Variants in NPHS2 observed in about 807,000 individuals in gnomAD.
The protein encoded by NPHS2 is NPHS2 stomatin family member, podocin.
Under a neutral mutation model 37.1 loss-of-function variants are expected in NPHS2, and 36 were observed. The observed-to-expected ratio is 0.97, with a 90% CI of 0.74 to 1.28. NPHS2 has a LOEUF of 1.28. NPHS2 is among the 50% of genes most tolerant of loss of function. The pLI is 0.00. For missense variants in NPHS2, 447 were observed against 488.1 expected, an observed-to-expected ratio of 0.92 and a Z score of 0.79; for synonymous variants, 196 against 189.3, an observed-to-expected ratio of 1.04 and a Z score of -0.29.
At position 179,564,625 on chromosome 1, in the gene NPHS2, A is replaced by G. The variant is rs1479495443; in HGVS notation, c.378+65T>C. 3 of 1,303,650 alleles carry G rather than the reference A, an allele frequency of 2.3e-6. No homozygotes were observed. In the East Asian group the frequency reaches 6.9e-5, roughly 30 times the overall value. The allele number at this position is 1,303,650 out of a possible 1,614,324, so 80.8% of individuals were successfully genotyped here. On this transcript the variant is annotated intron_variant, in intron 2 of 7. Transcript: ENST00000367615. ...CATGTACCAGAAAACAGAAGTGAGA[A>G]TGGGCATGGTGTGGCCAGTGAGAGG... is the stretch of plus-strand genomic sequence containing the variant.
intron 1 of NPHS2, among the ~76,000 whole-genome samples, chr1:179,571,277 T>G (rs1305510490): frequency 2.0e-5 from 3 of 152,270 alleles, no homozygotes; most frequent in Non-Finnish European, 4.4e-5. Flanking sequence ...TTGATGTTGA[T>G]GCTATTCCTT....
intron 1 of NPHS2, among the ~76,000 whole-genome samples, chr1:179,567,334 A>G (rs528319839): frequency 6.6e-6 from 1 of 152,162 alleles, no homozygotes; most frequent in African/African-American, 2.4e-5. Context: ...AGCAATTGTG[A>G]ATGGGAGTTC....
intron 1 of NPHS2, among the ~76,000 whole-genome samples, chr1:179,575,289 C>G (rs992351532): frequency 2.0e-5 from 3 of 152,178 alleles, no homozygotes; most frequent in Non-Finnish European, 4.4e-5. Flanking sequence ...CCACAAAAAC[C>G]AAGTCCATGG....
chr1:179,562,230 G>T (rs12740826), intron 2 of NPHS2, among the ~76,000 whole-genome samples: 1 of 152,118 alleles, frequency 6.6e-6, no homozygotes, highest in Admixed American at 6.5e-5. Flanking sequence ...TATTAGAAGA[G>T]AAATAGAGAA....
chr1:179,552,750 C>T, intron 6 of NPHS2, 69 bp from the exon 7 acceptor site: 5 of 1,191,702 alleles, frequency 4.2e-6, no homozygotes, highest in Non-Finnish European at 6.2e-6. Context: ...TTCACACAGA[C>T]TTGCAAGCCT....
At chr1:179,572,313 C>T (rs1484195102) in intron 1 of NPHS2, among the ~76,000 whole-genome samples, 2 of 152,162 alleles carry the variant, frequency 1.3e-5, no homozygotes, top group Admixed American at 1.3e-4. Flanking sequence ...TTTAACACCT[C>T]CATTAAGGTG....
At chr1:179,565,666 C>T (rs1007975475) in intron 1 of NPHS2, among the ~76,000 whole-genome samples, 1 of 152,166 alleles carries the variant, frequency 6.6e-6, no homozygotes, top group Non-Finnish European at 1.5e-5. Flanking sequence ...TGGTTTGCTG[C>T]ACCCATCAAT....
Position 179,551,311 on chromosome 1 carries a change from C to T in NPHS2, c.1014G>A (p.Val338=), listed in dbSNP as rs1367106825. The stretch of plus-strand genomic sequence containing the variant: ...GTAGGTCAAATGGCAAAGGTAAAAC[C>T]ACAGTGGAAGGCTTCTCTGTGGACA... ...QSLSTEKPST[V]VLPLPFDLLN... is the part of the protein sequence containing the mutation. The change falls in exon 8 of 8, where the codon GTG becomes GTA. Residue 338 remains valine, a synonymous_variant. Coordinates refer to ENST00000367615, the MANE Select transcript of NPHS2 (RefSeq NM_014625.4). 6.2e-7 allele frequency: 1 copy of T among 1,613,948 alleles called. No homozygotes were observed. The highest frequency in any genetic ancestry group is 1.7e-5 in the Admixed American group (1 of 59,986).
chr1:179,569,060 A>G (rs911982717), intron 1 of NPHS2, among the ~76,000 whole-genome samples: 2 of 152,176 alleles, frequency 1.3e-5, no homozygotes, highest in Non-Finnish European at 2.9e-5. Flanking sequence ...GTAGATGCCT[A>G]TTAGGTCTGC....
In NPHS2 at chr1:179,550,642, C is replaced by T. The variant is rs1673120637; in HGVS notation, c.*531G>A. On this transcript the variant is annotated 3_prime_UTR_variant, in exon 8 of 8. Transcript: ENST00000367615. ...AACATTTAAGTGTCACTTTAGGTAACTATCAGGGTTAGGTGTGAGGAATTC... is the reference window on the plus strand; with the variant it reads ...AACATTTAAGTGTCACTTTAGGTAATTATCAGGGTTAGGTGTGAGGAATTC... 2 of 158,704 alleles carry T rather than the reference C, an allele frequency of 1.3e-5. No homozygotes were observed. Among genetic ancestry groups the T allele is most frequent in the Admixed American group, 5.9e-5 (1 of 16,864 alleles). The allele number at this position is 158,704 out of a possible 1,614,324, so 9.8% of individuals were successfully genotyped here.
rs567457665 is a variant in NPHS2 at position 179,572,115 on chromosome 1, A to T, written c.274+3476T>A. Among the ~76,000 whole-genome samples, 13 of 152,338 alleles carry T rather than the reference A, an allele frequency of 8.5e-5. No individual in the cohort carries two copies. In the East Asian group the frequency reaches 1.9e-3, roughly 23 times the overall value. On this transcript the variant is annotated intron_variant, in intron 1 of 7. Coordinates refer to ENST00000367615, the MANE Select transcript of NPHS2 (RefSeq NM_014625.4). ...CCTGGTGAGGTGAACCAGTTACCTC[A>T]GTTGGAAATGCAGAAATCACCTGTC...
chr1:179,559,079 T>G (rs753417624), intron 4 of NPHS2, among the ~76,000 whole-genome samples: 62 of 152,194 alleles, frequency 4.1e-4, no homozygotes, highest in Non-Finnish European at 7.8e-4. Context: ...CATGTGCTTA[T>G]GGAAGCCAGC....
At chr1:179,571,443 C>T (rs1245547464) in intron 1 of NPHS2, among the ~76,000 whole-genome samples, 1 of 152,214 alleles carries the variant, frequency 6.6e-6, no homozygotes, top group African/African-American at 2.4e-5. Context: ...CTGAAAGCTT[C>T]ATCCCAGGGG....
intron 2 of NPHS2, among the ~76,000 whole-genome samples, chr1:179,564,423 T>C (rs1572285720): frequency 2.0e-5 from 3 of 152,262 alleles, no homozygotes; most frequent in East Asian, 3.9e-4. Flanking sequence ...GCCAATATAA[T>C]ACACATGGTA....
chr1:179,554,162 C>T (rs112058473), intron 6 of NPHS2, among the ~76,000 whole-genome samples: 7,105 of 152,222 alleles, frequency 0.047, 264 homozygotes, highest in Non-Finnish European at 0.07. Context: ...GATCCACCCA[C>T]CTTGGCATCC....
intron 3 of NPHS2, among the ~76,000 whole-genome samples, chr1:179,560,606 G>A (rs1030449102): frequency 3.9e-5 from 6 of 152,164 alleles, no homozygotes; most frequent in South Asian, 2.1e-4. Flanking sequence ...CTCTGTGGGC[G>A]TGTCCTGGAA....
At chr1:179,562,632 A>T (rs1294790856) in intron 2 of NPHS2, among the ~76,000 whole-genome samples, 2 of 152,146 alleles carry the variant, frequency 1.3e-5, no homozygotes, top group East Asian at 3.8e-4. Flanking sequence ...GGATCTACTA[A>T]CCCACTGTAA....
At chr1:179,567,208 T>G (rs1227877908) in intron 1 of NPHS2, among the ~76,000 whole-genome samples, 1 of 152,220 alleles carries the variant, frequency 6.6e-6, no homozygotes, top group Non-Finnish European at 1.5e-5. Context: ...GCATGGAATG[T>G]TCTCCCATTT....
At chr1:179,574,339 A>G (rs1572297792) in intron 1 of NPHS2, among the ~76,000 whole-genome samples, 1 of 152,196 alleles carries the variant, frequency 6.6e-6, no homozygotes, top group East Asian at 1.9e-4. Context: ...TTAATTTCTC[A>G]GAGCATGTTT....
Sources: allele counts gnomAD v4.1 joint callset (sites outside exome capture counted in the v4.1 genomes callset), GRCh38; gene constraint gnomAD v4.1.1; transcripts MANE v1.5; gene names NCBI Gene and HGNC (gene_info 2026-07-23, HGNC 2026-07-21).